Variants in SETDB1 observed in about 807,000 individuals in gnomAD.
The protein encoded by SETDB1 is histone-lysine N-methyltransferase SETDB1.
A neutral mutation model predicts 137.4 loss-of-function variants in SETDB1; 31 were observed. That is an observed-to-expected ratio of 0.23 (90% confidence interval 0.17 to 0.30). SETDB1 has a LOEUF of 0.30. SETDB1 is among the 10% of genes least tolerant of loss of function. SETDB1 has a pLI of 1.00. For synonymous variants in SETDB1, 548 were observed against 579.9 expected (o/e 0.95, Z 0.79); for missense variants, 1,113 against 1,631.5 (o/e 0.68, Z 5.47).
intron 19 of SETDB1, 73 bp from the exon 20 acceptor site, chr1:150,963,457 G>C: frequency 8.2e-7 from 1 of 1,221,024 alleles, no homozygotes; most frequent in South Asian, 1.4e-5. Flanking sequence ...AATAGGGGTA[G>C]AATGTCCATT....
intron 15 of SETDB1, 141 bp downstream of exon 15, chr1:150,959,488 G>A (rs1469606339): frequency 1.5e-6 from 1 of 678,098 alleles, no homozygotes; most frequent in African/African-American, 1.8e-5. Flanking sequence ...CAAAGAACGT[G>A]ATGAGTGATG....
chr1:150,931,499 G>A (rs1669744950), intron 3 of SETDB1, among the ~76,000 whole-genome samples: 1 of 151,064 alleles, frequency 6.6e-6, no homozygotes, highest in African/African-American at 2.4e-5. Context: ...GCAGGAGAAT[G>A]GCGTGAACCC....
chr1:150,963,195 GA>G, intron 19 of SETDB1, 56 bp downstream of exon 19: 2 of 1,521,524 alleles, frequency 1.3e-6, no homozygotes, highest in Non-Finnish European at 1.8e-6. Context: ...ACTTGGGATA[GA>G]GCATTTTTTA....
At chr1:150,959,664 C>A (rs960647416) in intron 15 of SETDB1, among the ~76,000 whole-genome samples, 2 of 152,050 alleles carry the variant, frequency 1.3e-5, no homozygotes, top group African/African-American at 2.4e-5. Context: ...TTAGCATAGC[C>A]CAGTACTCTG....
intron 17 of SETDB1, 54 bp from the exon 18 acceptor site, chr1:150,962,533 A>G: frequency 6.4e-7 from 1 of 1,572,226 alleles, no homozygotes; most frequent in Non-Finnish European, 8.7e-7. Flanking sequence ...CCTAGGCTAG[A>G]AGCCTAAGAA....
chr1:150,930,033 C>T lies in SETDB1; in HGVS notation c.327C>T (p.Asp109=). Residue 109 remains aspartate (D), a synonymous_variant, in exon 3 of 22, where the codon GAC becomes GAT. Transcript: ENST00000692827. The part of the protein sequence containing the change: ...FYSKLGLQYR[D]SSSEDESSRP... ...CCAAGCTGGGACTACAATACCGGGA[C>T]AGTAGCTCTGAGGACGAATCTTCCC... 6.2e-7 allele frequency: 1 copy of T among 1,613,714 alleles called. No individual in the cohort carries two copies.
At chr1:150,959,592 A>T (rs1022061214) in intron 15 of SETDB1, among the ~76,000 whole-genome samples, 1 of 152,208 alleles carries the variant, frequency 6.6e-6, no homozygotes, top group Admixed American at 6.5e-5. Context: ...ATTTCAGAGA[A>T]CAGACATGAT....
At chr1:150,955,684 CTTGT>C (rs1462895364) in intron 14 of SETDB1, among the ~76,000 whole-genome samples, 15 of 152,202 alleles carry the variant, frequency 9.9e-5, no homozygotes, top group African/African-American at 2.9e-4. Context: ...CTTTTGTTGA[CTTGT>C]TTTTCTTTTT....
chr1:150,945,173 T>C, intron 9 of SETDB1, 65 bp downstream of exon 9: 1 of 1,600,422 alleles, frequency 6.2e-7, no homozygotes, highest in Non-Finnish European at 8.5e-7. Flanking sequence ...GAAGCAGTAA[T>C]GAGGATGGTT....
At chr1:150,956,030 T>A (rs190066427) in intron 14 of SETDB1, among the ~76,000 whole-genome samples, 1 of 145,398 alleles carries the variant, frequency 6.9e-6, no homozygotes, top group East Asian at 2.1e-4. Flanking sequence ...AGGCAGAGGT[T>A]GCAGTGAGCC....
Position 150,928,724 on chromosome 1 carries a change from C to G in SETDB1, c.260+750C>G, listed in dbSNP as rs587623150. ...GGTGTCACTTACATTAGGTATATCT[C>G]CTAATACTATCCCTCCCCCTTCCCC... is the stretch of plus-strand genomic sequence containing the variant. On this transcript the variant is annotated intron_variant, in intron 2 of 21. Transcript: ENST00000692827. 3.7e-4 allele frequency among the ~76,000 whole-genome samples: 56 copies of G among 152,248 alleles called. No homozygotes were observed. In the South Asian group the frequency reaches 8.1e-3, roughly 22 times the overall value.
Position 150,961,076 on chromosome 1 carries a change from A to G in SETDB1, c.3017A>G (p.Lys1006Arg). The change falls in exon 16 of 22, where the codon AAG becomes AGG. Residue 1006 changes from lysine (K) to arginine (R), a missense_variant. Coordinates refer to ENST00000692827, the MANE Select transcript of SETDB1 (RefSeq NM_001366418.1). ...FADSDSHSSF[K>R]TNEGGEGRAG... Reference sequence around the variant, plus strand: ...GACTCTGATAGCCATTCATCCTTCAAGACTAATGAAGGTGGGGAGGGCCGG... The same window carrying G: ...GACTCTGATAGCCATTCATCCTTCAGGACTAATGAAGGTGGGGAGGGCCGG... 6.3e-7 allele frequency: 1 copy of G among 1,592,190 alleles called. No homozygotes were observed. Among genetic ancestry groups the G allele is most frequent in the Non-Finnish European group, 8.6e-7 (1 of 1,163,390 alleles).
chr1:150,931,570 C>G (rs974880858), intron 3 of SETDB1, among the ~76,000 whole-genome samples: 2 of 149,228 alleles, frequency 1.3e-5, no homozygotes, highest in African/African-American at 4.9e-5. Flanking sequence ...ATGTAACTAA[C>G]CTGCACAATG....
At chr1:150,928,861 T>A (rs2102628715) in intron 2 of SETDB1, among the ~76,000 whole-genome samples, 1 of 152,252 alleles carries the variant, frequency 6.6e-6, no homozygotes. Context: ...TTTCTGTCCT[T>A]GCTATAGTTT....
At chr1:150,945,148 G>T (rs186820437) in intron 9 of SETDB1, 40 bp downstream of exon 9, 23,256 of 1,607,744 alleles carry the variant, frequency 0.014, 235 homozygotes, top group Middle Eastern at 0.027. Context: ...AGAGGTTGGT[G>T]GGGGGGGAAC....
At chr1:150,962,283 C>A in intron 17 of SETDB1, 125 bp downstream of exon 17, 1 of 871,604 alleles carries the variant, frequency 1.1e-6, no homozygotes, top group Non-Finnish European at 1.9e-6. Flanking sequence ...ATTCTCCCAC[C>A]TCAGCCTCCC....
At position 150,942,793 on chromosome 1, in the gene SETDB1, C is replaced by G. The variant is rs1175278009; in HGVS notation, c.674-59C>G. On this transcript the variant is annotated intron_variant, in intron 6 of 21. Coordinates refer to ENST00000692827, the MANE Select transcript of SETDB1 (RefSeq NM_001366418.1). ...TTCCCATTTGTCTCTCACATAGCAG[C>G]CTGGATTTATACAGAAACTGGCAGT... The G allele has an allele frequency of 1.9e-6, 3 of 1,599,134 alleles. No individual in the cohort carries two copies. The East Asian group carries it at 6.7e-5, about 36-fold the overall frequency.
At chr1:150,961,307 C>A in intron 16 of SETDB1, 116 bp downstream of exon 16, 1 of 1,100,560 alleles carries the variant, frequency 9.1e-7, no homozygotes, top group Non-Finnish European at 1.3e-6. Flanking sequence ...ATTTCTGTGG[C>A]CACCTCGTTA....
chr1:150,964,190 C>G, intron 21 of SETDB1, 57 bp from the exon 22 acceptor site: 2 of 1,548,806 alleles, frequency 1.3e-6, no homozygotes, highest in Non-Finnish European at 1.8e-6. Context: ...TCAGTAACCC[C>G]AAGTGCCTGG....
Sources: gnomAD v4.1 joint callset for allele counts (sites outside exome capture counted in the v4.1 genomes callset) on GRCh38, gnomAD v4.1.1 for gene constraint, MANE v1.5 for transcripts, NCBI Gene and HGNC (gene_info 2026-07-23, HGNC 2026-07-21) for gene names.